Variants in ARHGAP35 observed in about 807,000 individuals in gnomAD.
ARHGAP35 encodes the protein rho GTPase-activating protein 35.
Under a neutral mutation model 111.1 loss-of-function variants are expected in ARHGAP35, and 15 were observed. The observed-to-expected ratio is 0.13, with a 90% confidence interval of 0.09 to 0.21. The LOEUF (loss-of-function observed/expected upper bound fraction) is 0.21. ARHGAP35 is among the 10% of genes least tolerant of loss of function. ARHGAP35 has a pLI of 1.00. For missense variants in ARHGAP35, 1,262 were observed against 1,873.0 expected (o/e 0.67, Z 6.02); for synonymous variants, 643 against 710.3 (o/e 0.91, Z 1.51).
chr19:46,884,240 G>T (rs2055980767), intron 1 of ARHGAP35, among the ~76,000 whole-genome samples: 1 of 152,098 alleles, frequency 6.6e-6, no homozygotes, highest in Non-Finnish European at 1.5e-5. Flanking sequence ...GAGCCCAGGA[G>T]TTGGAGGCTA....
intron 2 of ARHGAP35, among the ~76,000 whole-genome samples, chr19:46,924,578 G>A (rs1314256991): frequency 6.6e-6 from 1 of 152,164 alleles, no homozygotes; most frequent in Non-Finnish European, 1.5e-5. Context: ...CTCCTCCAAA[G>A]GTTGGTAGGA....
intron 3 of ARHGAP35, among the ~76,000 whole-genome samples, chr19:46,980,716 G>T (rs1020774902): frequency 6.6e-6 from 1 of 152,178 alleles, no homozygotes; most frequent in African/African-American, 2.4e-5. Flanking sequence ...GTGCATAGAC[G>T]ATCTCATTTA....
chr19:47,001,436 A>C lies in ARHGAP35; in HGVS notation c.*748A>C. ...AGGAAGAAACCACAGAAAGAAAACT[A>C]CAGACCTCAAGATTCCACTCTGTGC... is the stretch of plus-strand genomic sequence containing the variant. On this transcript the variant is annotated 3_prime_UTR_variant, in exon 7 of 7. Coordinates refer to ENST00000672722, the MANE Select transcript of ARHGAP35 (RefSeq NM_004491.5). This position sits in a 1 kb window ranked among gnomAD's most constrained non-coding sequence, Gnocchi z 5.4. The C allele has an allele frequency of 8.0e-7, 1 of 1,256,196 alleles. No individual in the cohort carries two copies. The highest frequency in any genetic ancestry group is 1.0e-6 in the Non-Finnish European group (1 of 958,954). 77.8% of individuals were successfully genotyped at this position (1,256,196 alleles called of 1,614,324 possible).
chr19:46,914,773 T>G (rs562895157), intron 1 of ARHGAP35, among the ~76,000 whole-genome samples: 3 of 152,354 alleles, frequency 2.0e-5, no homozygotes, highest in Admixed American at 2.0e-4. Flanking sequence ...ATATCTTTAT[T>G]TCTTGAGGTT....
At position 46,993,185 on chromosome 19, in the gene ARHGAP35, T is replaced by G. The variant is rs1339733540; in HGVS notation, c.4036+3510T>G. On this transcript the variant is annotated intron_variant, in intron 5 of 6. Transcript: ENST00000672722. This position sits in a 1 kb window ranked among gnomAD's most constrained non-coding sequence, Gnocchi z 4.6. ...AGCTTGGATTCTCCATCCTGAGCCC[T>G]GCAGAGTGAGGTCTTGGCCTTGGAG... is the stretch of plus-strand genomic sequence containing the variant. Among the ~76,000 whole-genome samples the G allele has an allele frequency of 6.6e-6, 1 of 152,244 alleles. No homozygotes were observed. Among genetic ancestry groups the G allele is most frequent in the African/African-American group, 2.4e-5 (1 of 41,468 alleles).
At position 46,992,171 on chromosome 19, in the gene ARHGAP35, C is replaced by T. The variant is rs533343735; in HGVS notation, c.4036+2496C>T. Among the ~76,000 whole-genome samples, 2 of 152,322 alleles carry T rather than the reference C, an allele frequency of 1.3e-5. No individual in the cohort carries two copies. Among genetic ancestry groups the T allele is most frequent in the South Asian group, 4.1e-4 (2 of 4,830 alleles). ...AGGCTGGGCCCGGCTCTCCACGAGG[C>T]ACTTGATTCCCACCACTGATCTTCC... is the stretch of plus-strand genomic sequence containing the variant. On this transcript the variant is annotated intron_variant, in intron 5 of 6. Coordinates refer to ENST00000672722, the MANE Select transcript of ARHGAP35 (RefSeq NM_004491.5). The surrounding 1 kb of genome is among the most constrained non-coding windows in gnomAD (Gnocchi z 4.4).
chr19:46,970,983 CAG>C (rs939332011), intron 3 of ARHGAP35, among the ~76,000 whole-genome samples: 3 of 152,184 alleles, frequency 2.0e-5, no homozygotes, highest in African/African-American at 7.2e-5. Flanking sequence ...CTCTCCAAAA[CAG>C]ACAGTCATTG....
At chr19:46,943,271 A>T (rs2056359639) in intron 3 of ARHGAP35, among the ~76,000 whole-genome samples, 1 of 151,810 alleles carries the variant, frequency 6.6e-6, no homozygotes, top group East Asian at 1.9e-4. Context: ...TGCTCTTTGG[A>T]CCTCTTCAGC....
intron 3 of ARHGAP35, among the ~76,000 whole-genome samples, chr19:46,944,161 A>G (rs2056365138): frequency 1.3e-5 from 2 of 151,932 alleles, no homozygotes; most frequent in African/African-American, 2.4e-5. Context: ...TTAGCCATAC[A>G]TGATGGTCCA....
At chr19:46,946,200 T>C (rs2056378392) in intron 3 of ARHGAP35, among the ~76,000 whole-genome samples, 3 of 152,230 alleles carry the variant, frequency 2.0e-5, no homozygotes, top group Admixed American at 2.0e-4. Context: ...TGAGCGTTGA[T>C]ATGGCCTAGG....
intron 3 of ARHGAP35, among the ~76,000 whole-genome samples, chr19:46,953,035 G>A (rs543309360): frequency 3.6e-4 from 55 of 152,302 alleles, no homozygotes; most frequent in Middle Eastern, 3.4e-3. Context: ...TGGCTCCAGA[G>A]AGCTGGAGGA....
chr19:46,917,243 C>G (rs1438826029), intron 1 of ARHGAP35, among the ~76,000 whole-genome samples: 2 of 152,096 alleles, frequency 1.3e-5, no homozygotes, highest in Non-Finnish European at 2.9e-5. Flanking sequence ...TAGTATTTGT[C>G]TTTTTGTGAC....
chr19:46,953,296 G>A (rs771758042), intron 3 of ARHGAP35, among the ~76,000 whole-genome samples: 12 of 152,312 alleles, frequency 7.9e-5, no homozygotes, highest in South Asian at 2.1e-4. Context: ...AATGTCCGGG[G>A]TGAACATTAA....
chr19:46,934,373 G>T (rs540519328), intron 2 of ARHGAP35, among the ~76,000 whole-genome samples: 1 of 151,886 alleles, frequency 6.6e-6, no homozygotes, highest in East Asian at 1.9e-4. Context: ...TCCCCACCCC[G>T]CCCCTCCTCC....
chr19:46,909,071 G>T (rs2122178905), intron 1 of ARHGAP35, among the ~76,000 whole-genome samples: 1 of 152,272 alleles, frequency 6.6e-6, no homozygotes, highest in Middle Eastern at 3.4e-3. Context: ...AGGGTGAGGT[G>T]GTAGGATCGC....
chr19:46,916,009 A>G (rs1044910034), intron 1 of ARHGAP35, among the ~76,000 whole-genome samples: 2 of 137,038 alleles, frequency 1.5e-5, no homozygotes, highest in South Asian at 4.4e-4. Flanking sequence ...GTCTCGGCTC[A>G]CTGCAAGCTC....
At chr19:46,902,369 A>T (rs1015909263) in intron 1 of ARHGAP35, among the ~76,000 whole-genome samples, 2 of 152,180 alleles carry the variant, frequency 1.3e-5, no homozygotes, top group Admixed American at 6.5e-5. Flanking sequence ...ATTAGAAGCA[A>T]TCATATATAA....
At chr19:46,976,326 G>A (rs1172469271) in intron 3 of ARHGAP35, among the ~76,000 whole-genome samples, 2 of 150,974 alleles carry the variant, frequency 1.3e-5, no homozygotes, top group Non-Finnish European at 2.9e-5. Context: ...CATAAAGGCA[G>A]GCAGTCAGCT....
intron 3 of ARHGAP35, among the ~76,000 whole-genome samples, chr19:46,976,233 T>G: frequency 7.3e-6 from 1 of 136,400 alleles, no homozygotes; most frequent in South Asian, 2.5e-4. Flanking sequence ...TTTTTTTTGC[T>G]ACCATTCCTC....
Sources: allele counts gnomAD v4.1 joint callset (sites outside exome capture counted in the v4.1 genomes callset), GRCh38; gene constraint gnomAD v4.1.1; non-coding constraint Gnocchi (gnomAD v3.1); transcripts MANE v1.5; gene names NCBI Gene and HGNC (gene_info 2026-07-23, HGNC 2026-07-21).